Variants in TENM3 observed in about 807,000 individuals in gnomAD.
TENM3 encodes the protein teneurin-3.
Under a neutral mutation model 255.1 loss-of-function variants are expected in TENM3, and 63 were observed. The ratio of observed to expected loss-of-function variants is 0.25; its 90% CI spans 0.20 to 0.30. The LOEUF is 0.30. TENM3 is among the 10% of genes least tolerant of loss of function. The pLI, the probability that TENM3 is intolerant of heterozygous loss-of-function variation, is 1.00. For synonymous variants in TENM3, 1,306 were observed against 1,322.3 expected (o/e 0.99, Z 0.27); for missense variants, 2,929 against 3,461.1 (o/e 0.85, Z 3.86).
intron 6 of TENM3, among the ~76,000 whole-genome samples, chr4:182,655,163 GTAAC>G (rs1243284766): frequency 6.6e-6 from 1 of 152,104 alleles, no homozygotes; most frequent in Non-Finnish European, 1.5e-5. Context: ...AACAAAATGA[GTAAC>G]TATACAGAAA....
chr4:181,744,131 A>G, the TENM3 span, among the ~76,000 whole-genome samples: 1 of 152,178 alleles, frequency 6.6e-6, no homozygotes, highest in African/African-American at 2.4e-5. Flanking sequence ...AAATCCATCC[A>G]TGTCGCTGCA....
At chr4:181,926,622 C>T in the TENM3 span, among the ~76,000 whole-genome samples, 1 of 151,980 alleles carries the variant, frequency 6.6e-6, no homozygotes, top group Non-Finnish European at 1.5e-5. Flanking sequence ...TTGCATTTCC[C>T]TACCTTTAAT....
chr4:182,414,443 T>G (rs758209426), intron 3 of TENM3, among the ~76,000 whole-genome samples: 4 of 152,208 alleles, frequency 2.6e-5, no homozygotes, highest in African/African-American at 9.6e-5. Context: ...ATCTATCATT[T>G]TAATAATGAG....
the TENM3 span, among the ~76,000 whole-genome samples, chr4:181,671,104 C>T: frequency 0.055 from 8,365 of 152,000 alleles, 383 homozygotes; most frequent in African/African-American, 0.12. Flanking sequence ...TGAAAGTAAA[C>T]GGTTAGAATT....
chr4:182,006,022 C>T, the TENM3 span, among the ~76,000 whole-genome samples: 1 of 152,110 alleles, frequency 6.6e-6, no homozygotes, highest in African/African-American at 2.4e-5. Flanking sequence ...GCAGAGACAA[C>T]TTGACTTCCT....
At chr4:181,801,651 A>AATATATATATATAT in the TENM3 span, among the ~76,000 whole-genome samples, 100 of 80,854 alleles carry the variant, frequency 1.2e-3, no homozygotes, top group Admixed American at 2.2e-3. Context: ...AGAATTGTAA[A>AATATATATATATAT]ATATATATAT....
the TENM3 span, among the ~76,000 whole-genome samples, chr4:181,844,522 G>T: frequency 3.9e-5 from 6 of 152,056 alleles, no homozygotes; most frequent in African/African-American, 7.2e-5. Context: ...CAAAAAATTA[G>T]CCGGGAGTGG....
At chr4:181,722,828 G>A in the TENM3 span, among the ~76,000 whole-genome samples, 1 of 152,036 alleles carries the variant, frequency 6.6e-6, no homozygotes, top group Non-Finnish European at 1.5e-5. Flanking sequence ...AATGGCTGCA[G>A]GTACTCAACA....
the TENM3 span, among the ~76,000 whole-genome samples, chr4:181,678,530 A>G: frequency 2.4e-4 from 36 of 152,198 alleles, no homozygotes; most frequent in Middle Eastern, 3.4e-3. Context: ...CTCTCTATCA[A>G]AACTCTAGTG....
chr4:182,729,241 T>TA, intron 14 of TENM3, 60 bp downstream of exon 14: 1 of 1,386,204 alleles, frequency 7.2e-7, no homozygotes, highest in Non-Finnish European at 1.0e-6. Context: ...TACATACACT[T>TA]ATGTGAAATA....
the TENM3 span, among the ~76,000 whole-genome samples, chr4:181,744,438 C>A: frequency 6.6e-6 from 1 of 152,164 alleles, no homozygotes; most frequent in Non-Finnish European, 1.5e-5. Flanking sequence ...AATTTACACT[C>A]CCACCAACAG....
the TENM3 span, among the ~76,000 whole-genome samples, chr4:181,752,510 C>A: frequency 2.0e-5 from 3 of 151,982 alleles, no homozygotes; most frequent in Non-Finnish European, 4.4e-5. Context: ...AGAGATCACA[C>A]CACTGCACAC....
chr4:182,274,737 G>C (rs1759878556), intron 1 of TENM3, among the ~76,000 whole-genome samples: 1 of 152,176 alleles, frequency 6.6e-6, no homozygotes, highest in Admixed American at 6.5e-5. Context: ...ATTACTTTTA[G>C]AGTACATAGA....
chr4:182,340,377 T>G (rs951854512), intron 2 of TENM3, among the ~76,000 whole-genome samples: 7 of 152,202 alleles, frequency 4.6e-5, no homozygotes, highest in African/African-American at 1.7e-4. Flanking sequence ...TTCAGCGTCC[T>G]CTGGAAATTC....
At chr4:181,596,912 C>A in the TENM3 span, among the ~76,000 whole-genome samples, 1 of 151,548 alleles carries the variant, frequency 6.6e-6, no homozygotes, top group Non-Finnish European at 1.5e-5. Flanking sequence ...AGGGGAGCAA[C>A]ATACACTGGG....
At chr4:182,329,905 T>G (rs1471278481) in intron 2 of TENM3, among the ~76,000 whole-genome samples, 1 of 152,138 alleles carries the variant, frequency 6.6e-6, no homozygotes, top group East Asian at 1.9e-4. Context: ...AGGCACATTC[T>G]AGAAAAATTC....
At chr4:181,734,803 A>G in the TENM3 span, among the ~76,000 whole-genome samples, 1 of 152,204 alleles carries the variant, frequency 6.6e-6, no homozygotes, top group South Asian at 2.1e-4. Flanking sequence ...TGAACACAGA[A>G]TAACCAAAAC....
the TENM3 span, among the ~76,000 whole-genome samples, chr4:181,464,906 G>A: frequency 1.3e-5 from 2 of 152,080 alleles, no homozygotes; most frequent in Admixed American, 6.6e-5. Flanking sequence ...AGCCGAGATG[G>A]TGCCATTGCA....
intron 3 of TENM3, among the ~76,000 whole-genome samples, chr4:182,545,612 T>C (rs1183072216): frequency 1.3e-5 from 2 of 152,100 alleles, no homozygotes; most frequent in African/African-American, 2.4e-5. Context: ...TTCTCCTGTT[T>C]TGGAACGTGC....
Sources: allele counts gnomAD v4.1 joint callset (sites outside exome capture counted in the v4.1 genomes callset), GRCh38; gene constraint gnomAD v4.1.1; transcripts MANE v1.5; gene names NCBI Gene and HGNC (gene_info 2026-07-23, HGNC 2026-07-21).